Variants in ERG observed in about 807,000 individuals in gnomAD.
The protein encoded by ERG is transcriptional regulator ERG.
ERG carries 9 observed loss-of-function variants against 55.3 expected under a neutral mutation model. The observed-to-expected ratio is 0.16, with a 90% confidence interval of 0.10 to 0.28. The LOEUF (loss-of-function observed/expected upper bound fraction) is 0.28, where lower values mean the gene tolerates loss of function less well. Ranked by LOEUF, ERG falls within the 10% of genes least tolerant of loss-of-function variation. The pLI is 1.00. For synonymous variants in ERG, 223 were observed against 237.3 expected, an observed-to-expected ratio of 0.94 and a Z score of 0.55; for missense variants, 434 against 631.6, an observed-to-expected ratio of 0.69 and a Z score of 3.35.
In ERG at chr21:38,403,546, G is replaced by C; in HGVS notation, c.552C>G (p.Asn184Lys). ...DDFQRLTPSY[N>K]ADILLSHLHY... ...GGAGATGTGAGAGAAGGATGTCGGC[G>C]TTGTAGCTGGGGGTGAGCCTCTGGA... Residue 184 changes from asparagine (N) to lysine (K), a missense_variant, in exon 4 of 10, where the codon AAC becomes AAG. Asn to Lys is a moderately conservative substitution (Grantham distance 94). This residue lies in a region of ERG where 212 missense variants were observed against 262.9 expected (regional missense o/e 0.81). Transcript: ENST00000288319. 6.2e-7 allele frequency: 1 copy of C among 1,614,142 alleles called. No individual in the cohort carries two copies. The highest frequency in any genetic ancestry group is 8.5e-7 in the Non-Finnish European group (1 of 1,180,016).
rs370848503 is a variant in ERG at position 38,615,454 on chromosome 21, G to C, written c.-149-30509C>G. The stretch of plus-strand genomic sequence containing the variant: ...TCAAAAAATGCAAGCATGGGGCTTT[G>C]AAAAAGTCTTCAAGTAAAGGAGGCA... On this transcript the variant is annotated intron_variant, in intron 1 of 10. Transcript: ENST00000398910. Among the ~76,000 whole-genome samples, 4 of 152,022 alleles carry C rather than the reference G, an allele frequency of 2.6e-5. No individual in the cohort carries two copies. In the East Asian group the frequency reaches 7.7e-4, roughly 29 times the overall value.
intron 1 of ERG, chr21:38,471,760 G>A (rs999092962): frequency 6.6e-6 from 1 of 152,156 alleles, no homozygotes; most frequent in African/African-American, 2.4e-5. Flanking sequence ...CAAAAAAAAT[G>A]AACATGAGTC....
chr21:38,472,324 T>A (rs1408872914), intron 1 of ERG, among the ~76,000 whole-genome samples: 2 of 152,146 alleles, frequency 1.3e-5, no homozygotes, highest in Non-Finnish European at 2.9e-5. Flanking sequence ...ACACTAGCCA[T>A]TATGTAAAGT....
intron 2 of ERG, among the ~76,000 whole-genome samples, chr21:38,567,746 C>T (rs149114541): frequency 1.9e-3 from 284 of 152,348 alleles, no homozygotes; most frequent in Non-Finnish European, 3.0e-3. Context: ...ATCCACCCTT[C>T]GCCATAGCGA....
At chr21:38,582,784 T>C (rs2060038160) in intron 1 of ERG, among the ~76,000 whole-genome samples, 1 of 152,174 alleles carries the variant, frequency 6.6e-6, no homozygotes, top group Non-Finnish European at 1.5e-5. Context: ...TCTTGCTCTG[T>C]CGCCCAGGCT....
chr21:38,651,990 C>T (rs1315230286), intron 1 of ERG, among the ~76,000 whole-genome samples: 1 of 152,208 alleles, frequency 6.6e-6, no homozygotes, highest in African/African-American at 2.4e-5. Flanking sequence ...TGTGGCTATA[C>T]CATCTGGTGA....
intron 1 of ERG, among the ~76,000 whole-genome samples, chr21:38,596,060 G>T (rs867807668): frequency 6.8e-6 from 1 of 147,874 alleles, no homozygotes; most frequent in Non-Finnish European, 1.5e-5. Context: ...TGGGATTGGG[G>T]GGGGGGGGTC....
Position 38,423,583 on chromosome 21 carries a change from T to C in ERG, c.237-22A>G, listed in dbSNP as rs762778561. 15 of 1,596,612 alleles carry C rather than the reference T, an allele frequency of 9.4e-6. No homozygotes were observed. The African/African-American group carries it at 1.7e-4, about 19-fold the overall frequency. The stretch of plus-strand genomic sequence containing the variant: ...GTTCCTGGAGGAGAAGAAATATTCT[T>C]CCATTATAACAGCAATCAAAGAGCA... On this transcript the variant is annotated intron_variant, in intron 2 of 9. Transcript: ENST00000288319.
intron 1 of ERG, among the ~76,000 whole-genome samples, chr21:38,647,816 G>T: frequency 6.6e-6 from 1 of 152,126 alleles, no homozygotes; most frequent in Non-Finnish European, 1.5e-5. Context: ...TCACATACAC[G>T]TCACCTCCTA....
chr21:38,576,286 A>G (rs1043012706), intron 1 of ERG, among the ~76,000 whole-genome samples: 4 of 152,086 alleles, frequency 2.6e-5, no homozygotes, highest in Non-Finnish European at 5.9e-5. Flanking sequence ...CATTCCAACC[A>G]CGACTCTGAG....
intron 3 of ERG, among the ~76,000 whole-genome samples, chr21:38,415,159 G>A (rs1459128680): frequency 6.6e-6 from 1 of 152,216 alleles, no homozygotes; most frequent in Non-Finnish European, 1.5e-5. Flanking sequence ...AAAGAACTGG[G>A]TTCGAATCCT....
chr21:38,586,377 T>C (rs1314580670), upstream of ERG, among the ~76,000 whole-genome samples: 1 of 152,072 alleles, frequency 6.6e-6, no homozygotes, highest in Non-Finnish European at 1.5e-5. Context: ...CAATAGATCA[T>C]AGGTCTATTC....
rs1989315130 is a variant in ERG, at chr21:38,417,127, TCTC to T, written c.388+6280_388+6282del. Among the ~76,000 whole-genome samples, 4 of 152,330 alleles carry T rather than the reference TCTC, an allele frequency of 2.6e-5. No homozygotes were observed. The South Asian group carries it at 8.3e-4, about 32-fold the overall frequency. On this transcript the variant is annotated intron_variant, in intron 3 of 9. Transcript: ENST00000288319. ...AGCTACTTCTGACAGCCTTCGGTCA[TCTC>T]CTCAGTGATTAAGAGTAATGGGAAC...
chr21:38,466,805 T>C (rs2059095168), intron 1 of ERG, among the ~76,000 whole-genome samples: 1 of 152,170 alleles, frequency 6.6e-6, no homozygotes, highest in Non-Finnish European at 1.5e-5. Flanking sequence ...CCCCAAACTG[T>C]GAAGTCATGT....
At chr21:38,410,033 G>C (rs908494907) in intron 3 of ERG, among the ~76,000 whole-genome samples, 2 of 152,290 alleles carry the variant, frequency 1.3e-5, no homozygotes, top group Admixed American at 1.3e-4. Context: ...ATTTTTCTGT[G>C]GGTAATTAAA....
intron 1 of ERG, among the ~76,000 whole-genome samples, chr21:38,651,725 C>T (rs926159224): frequency 3.3e-5 from 5 of 152,252 alleles, no homozygotes; most frequent in African/African-American, 4.8e-5. Flanking sequence ...TCTGCCTCCA[C>T]GTCACTCGCT....
chr21:38,650,783 A>G (rs1052579097), intron 1 of ERG, among the ~76,000 whole-genome samples: 3 of 152,272 alleles, frequency 2.0e-5, no homozygotes, highest in Admixed American at 2.0e-4. Flanking sequence ...AGACTTTTCC[A>G]TAAGCTTCAG....
intron 1 of ERG, among the ~76,000 whole-genome samples, chr21:38,650,481 C>CA (rs1316389790): frequency 6.6e-6 from 1 of 151,884 alleles, no homozygotes; most frequent in African/African-American, 2.4e-5. Context: ...ACTAACAATA[C>CA]AAAAAATTAG....
chr21:38,425,714 G>A (rs1232664758), intron 2 of ERG, among the ~76,000 whole-genome samples: 2 of 152,184 alleles, frequency 1.3e-5, no homozygotes, highest in Non-Finnish European at 2.9e-5. Flanking sequence ...CGCCAATGAA[G>A]CCTCATTTAT....
Sources: allele counts gnomAD v4.1 joint callset (sites outside exome capture counted in the v4.1 genomes callset), GRCh38; gene constraint gnomAD v4.1.1; regional missense constraint gnomAD v4.1.1; transcripts MANE v1.5; gene names NCBI Gene and HGNC (gene_info 2026-07-23, HGNC 2026-07-21).